TRPM6: variants seen among roughly 807,000 people sequenced by gnomAD.
The protein encoded by TRPM6 is channel kinase 2.
TRPM6 carries 111 observed loss-of-function variants against 247.6 expected under a neutral mutation model. The ratio of observed to expected loss-of-function variants is 0.45; its 90% CI spans 0.38 to 0.52. The LOEUF (loss-of-function observed/expected upper bound fraction) is 0.52, where lower values mean the gene tolerates loss of function less well. TRPM6 is among the 20% of genes least tolerant of loss of function. The pLI, the probability that TRPM6 is intolerant of heterozygous loss-of-function variation, is 0.00. For missense variants in TRPM6, 2,126 were observed against 2,421.5 expected, an observed-to-expected ratio of 0.88 and a Z score of 2.56; for synonymous variants, 892 against 853.8, an observed-to-expected ratio of 1.04 and a Z score of -0.78.
At chr9:74,856,635 G>A (rs1034744081) in intron 2 of TRPM6, among the ~76,000 whole-genome samples, 4 of 152,112 alleles carry the variant, frequency 2.6e-5, no homozygotes, top group Admixed American at 2.6e-4. Context: ...CCTTTTCTCA[G>A]AAGCTTTCCT....
intron 29 of TRPM6, among the ~76,000 whole-genome samples, chr9:74,750,983 A>G (rs1240044238): frequency 6.6e-6 from 1 of 152,224 alleles, no homozygotes; most frequent in Admixed American, 6.5e-5. Flanking sequence ...AATGTAATAT[A>G]TGAAATTTTT....
At chr9:74,849,922 G>T (rs2376267) in intron 3 of TRPM6, among the ~76,000 whole-genome samples, 25,028 of 152,230 alleles carry the variant, frequency 0.16, 2,357 homozygotes, top group East Asian at 0.28. Context: ...AGAACCTGTA[G>T]CAATGCTCAG....
At chr9:74,736,974 G>C (rs1418830516) in intron 36 of TRPM6, among the ~76,000 whole-genome samples, 2 of 151,784 alleles carry the variant, frequency 1.3e-5, no homozygotes, top group Non-Finnish European at 2.9e-5. Flanking sequence ...TTGTGTGTGT[G>C]TTTCTGTTTT....
At chr9:74,786,565 C>T (rs1353487642) in intron 20 of TRPM6, among the ~76,000 whole-genome samples, 1 of 151,606 alleles carries the variant, frequency 6.6e-6, no homozygotes, top group Non-Finnish European at 1.5e-5. Flanking sequence ...ACGGTGAAAC[C>T]CCATCTCTAC....
intron 21 of TRPM6, among the ~76,000 whole-genome samples, 182 bp downstream of exon 21, chr9:74,785,692 T>A (rs1018286913): frequency 6.6e-6 from 1 of 152,060 alleles, no homozygotes; most frequent in African/African-American, 2.4e-5. Context: ...CCGGCTAATT[T>A]TTTTGTATTT....
At chr9:74,741,511 A>G (rs2118745134) in intron 33 of TRPM6, among the ~76,000 whole-genome samples, 1 of 152,208 alleles carries the variant, frequency 6.6e-6, no homozygotes, top group East Asian at 1.9e-4. Flanking sequence ...ATCTCTTTGG[A>G]GTTCTAAATC....
rs1178925012 is a variant in TRPM6 at position 74,828,074 on chromosome 9, C to T, written c.670-125G>A. 8.7e-6 allele frequency: 9 copies of T among 1,036,188 alleles called. No homozygotes were observed. In the Admixed American group the frequency reaches 2.1e-4, roughly 25 times the overall value. The allele number at this position is 1,036,188 out of a possible 1,614,324, so 64.2% of individuals were successfully genotyped here. A position where few individuals can be genotyped will look rare whatever the true frequency, so the allele number is the denominator to read the frequency against. On this transcript the variant is annotated intron_variant, in intron 6 of 38. Coordinates refer to ENST00000360774, the MANE Select transcript of TRPM6 (RefSeq NM_017662.5). ...CTAGTTTAAAAAGTACTACTTGCGG[C>T]CAGGCATGGTGGCTCATGCCTGTAA...
In TRPM6 at chr9:74,867,988, A is replaced by T. The variant is rs569251721; in HGVS notation, c.34-9240T>A. On this transcript the variant is annotated intron_variant, in intron 1 of 38. Transcript: ENST00000360774. ...GCCAACATGGCGAAACCCCAACTCT[A>T]TTAAAAACAAAAAAAATTAGCTGGG... Among the ~76,000 whole-genome samples, 6 of 151,722 alleles carry T rather than the reference A, an allele frequency of 4.0e-5. No homozygotes were observed. In the South Asian group the frequency reaches 1.2e-3, roughly 32 times the overall value.
chr9:74,847,036 C>G (rs140734995), intron 3 of TRPM6, among the ~76,000 whole-genome samples: 1 of 152,134 alleles, frequency 6.6e-6, no homozygotes, highest in Non-Finnish European at 1.5e-5. Context: ...AGTACACAGA[C>G]GAGGTGTTCT....
At chr9:74,867,853 T>A (rs1170430058) in intron 1 of TRPM6, among the ~76,000 whole-genome samples, 1 of 151,704 alleles carries the variant, frequency 6.6e-6, no homozygotes, top group African/African-American at 2.4e-5. Context: ...TTCATTCATT[T>A]AAAAAAAAAT....
chr9:74,761,387 G>A (rs1826623248), intron 27 of TRPM6, among the ~76,000 whole-genome samples: 1 of 152,120 alleles, frequency 6.6e-6, no homozygotes, highest in Non-Finnish European at 1.5e-5. Flanking sequence ...TAGCAGATAA[G>A]TAAATTGCAG....
At position 74,772,000 on chromosome 9, in the gene TRPM6, A is replaced by G. The variant is rs149798579; in HGVS notation, c.3404-165T>C. Among the ~76,000 whole-genome samples the G allele has an allele frequency of 1.5e-3, 235 of 152,326 alleles. 2 individuals carry two copies. The highest frequency in any genetic ancestry group is 5.4e-3 in the African/African-American group (223 of 41,574). ...TAATGCAGAAACAGCACCAATAAAC[A>G]ACTGGGAGCTGGGCGCAGTGGTTCA... On this transcript the variant is annotated intron_variant, in intron 24 of 38. Coordinates refer to ENST00000360774, the MANE Select transcript of TRPM6 (RefSeq NM_017662.5).
intron 25 of TRPM6, among the ~76,000 whole-genome samples, chr9:74,764,235 C>T (rs1826753488): frequency 6.6e-6 from 1 of 152,064 alleles, no homozygotes; most frequent in Admixed American, 6.6e-5. Flanking sequence ...TTGTATCCCC[C>T]AAAAAGGATA....
intron 11 of TRPM6, among the ~76,000 whole-genome samples, chr9:74,815,363 T>A (rs1357909889): frequency 1.3e-5 from 2 of 152,206 alleles, no homozygotes; most frequent in African/African-American, 4.8e-5. Context: ...CATTCAAATT[T>A]CTGTAGGAAA....
rs757586367 is a variant in TRPM6 at position 74,744,195 on chromosome 9, T to G, written c.5084-50A>C. ...TTTTAATTACATGGCTGGAGATAAA[T>G]ACATGTTTATGAATATATTGCCTTC... On this transcript the variant is annotated intron_variant, in intron 31 of 38. Transcript: ENST00000360774. The G allele has an allele frequency of 2.6e-6, 4 of 1,553,522 alleles. No homozygotes were observed. The Admixed American group carries it at 5.0e-5, about 19-fold the overall frequency.
intron 3 of TRPM6, among the ~76,000 whole-genome samples, chr9:74,855,017 C>T (rs1479631319): frequency 6.6e-6 from 1 of 152,110 alleles, no homozygotes; most frequent in African/African-American, 2.4e-5. Flanking sequence ...AACTTTGGTT[C>T]AATCCATTAT....
intron 28 of TRPM6, among the ~76,000 whole-genome samples, chr9:74,753,336 C>T (rs189937450): frequency 3.3e-5 from 5 of 151,512 alleles, no homozygotes; most frequent in East Asian, 3.9e-4. Context: ...TAGGAGATAA[C>T]GGTTGCATTT....
At chr9:74,846,735 G>A (rs895615207) in intron 3 of TRPM6, among the ~76,000 whole-genome samples, 1 of 152,000 alleles carries the variant, frequency 6.6e-6, no homozygotes, top group Non-Finnish European at 1.5e-5. Flanking sequence ...TTTTAGTAGA[G>A]ACAGGGTTTC....
intron 1 of TRPM6, chr9:74,875,177 C>A: frequency 2.2e-6 from 1 of 447,232 alleles, no homozygotes. Flanking sequence ...GCAGGTCAGA[C>A]AACAAAACTG....
Sources: gnomAD v4.1 joint callset for allele counts (sites outside exome capture counted in the v4.1 genomes callset) on GRCh38, gnomAD v4.1.1 for gene constraint, MANE v1.5 for transcripts, NCBI Gene and HGNC (gene_info 2026-07-23, HGNC 2026-07-21) for gene names.